Variants in BTAF1 observed in about 807,000 individuals in gnomAD.
BTAF1 encodes B-TFIID TATA-box binding protein associated factor 1, also known as TATA-binding protein-associated factor 172.
Under a neutral mutation model 227.1 loss-of-function variants are expected in BTAF1, and 38 were observed. That is an observed-to-expected ratio of 0.17 (90% CI 0.13 to 0.22). The LOEUF (loss-of-function observed/expected upper bound fraction) is 0.22. Among genes scored for constraint, BTAF1 ranks in the 10% least tolerant of loss-of-function variants. The pLI, the probability that BTAF1 is intolerant of heterozygous loss-of-function variation, is 1.00. For missense variants in BTAF1, 1,598 were observed against 2,204.0 expected (o/e 0.73, Z 5.51); for synonymous variants, 742 against 751.9 (o/e 0.99, Z 0.21).
chr10:92,010,923 A>G, intron 28 of BTAF1, 150 bp from the exon 29 acceptor site: 1 of 643,988 alleles, frequency 1.6e-6, no homozygotes, highest in Non-Finnish European at 2.7e-6. Flanking sequence ...CCAGATCATC[A>G]GAAGAGTAGC....
intron 12 of BTAF1, 83 bp from the exon 13 acceptor site, chr10:91,963,994 A>AGT: frequency 6.8e-7 from 1 of 1,466,146 alleles, no homozygotes; most frequent in Non-Finnish European, 9.4e-7. Context: ...TTGAATCAGT[A>AGT]GTGACCCCTG....
chr10:91,925,516 C>CTTTTTTTTTTTTTTTTTTTTTTTTTTTT (rs6144026), intron 1 of BTAF1, among the ~76,000 whole-genome samples: 3 of 114,580 alleles, frequency 2.6e-5, no homozygotes, highest in Non-Finnish European at 3.8e-5. Context: ...ACGCTAATCT[C>CTTTTTTTTTTTTTTTTTTTTTTTTTTTT]TTTTTTTTTT....
chr10:91,937,933 T>C (rs1368042546), intron 2 of BTAF1, among the ~76,000 whole-genome samples: 1 of 152,232 alleles, frequency 6.6e-6, no homozygotes, highest in Non-Finnish European at 1.5e-5. Context: ...TCCTTGTCAA[T>C]ACTTCTTGAC....
At chr10:92,015,194 G>T (rs2138701) in intron 32 of BTAF1, among the ~76,000 whole-genome samples, 21,209 of 152,168 alleles carry the variant, frequency 0.14, 1,600 homozygotes, top group Middle Eastern at 0.2. Flanking sequence ...GGAATTTATT[G>T]TGAGCCTTTC....
At chr10:91,933,975 G>A (rs997549284) in intron 1 of BTAF1, among the ~76,000 whole-genome samples, 6 of 152,106 alleles carry the variant, frequency 3.9e-5, no homozygotes, top group African/African-American at 1.4e-4. Flanking sequence ...CCCTTTCTTG[G>A]TCCTACTATC....
intron 11 of BTAF1, 144 bp downstream of exon 11, chr10:91,960,298 A>T: frequency 1.2e-6 from 1 of 801,952 alleles, no homozygotes; most frequent in Non-Finnish European, 1.9e-6. Flanking sequence ...AGAGAGTGTC[A>T]TAGAGATAGG....
chr10:92,011,400 T>A lies in BTAF1; in HGVS notation c.4296T>A (p.Ser1432=). The A allele has an allele frequency of 7.2e-7, 1 of 1,388,558 alleles. No homozygotes were observed. Among genetic ancestry groups the A allele is most frequent in the Non-Finnish European group, 9.4e-7 (1 of 1,058,546 alleles). 86.0% of individuals were successfully genotyped at this position (1,388,558 alleles called of 1,614,324 possible). The change falls in exon 30 of 38, where the codon TCT becomes TCA. Residue 1432 remains serine (S), a synonymous_variant. Transcript: ENST00000265990. ...QLTANYRIIL[S]GTPIQNNVLE... ...CTGCTAATTATAGGATTATTCTTTC[T>A]GGAACACCAATCCAGGTAATTATTT...
rs1215616900 is a variant in BTAF1, at chr10:92,030,530, T to C, written c.*1597T>C. 6.6e-6 allele frequency among the ~76,000 whole-genome samples: 1 copy of C among 152,184 alleles called. No individual in the cohort carries two copies. The highest frequency in any genetic ancestry group is 1.5e-5 in the Non-Finnish European group (1 of 67,998). On this transcript the variant is annotated 3_prime_UTR_variant, in exon 38 of 38. Coordinates refer to ENST00000265990, the MANE Select transcript of BTAF1 (RefSeq NM_003972.3). ...GCTCTTTAACATAGCTTATAGTAAT[T>C]GATATTTTCTTAGAATAAGTACAGA... is the stretch of plus-strand genomic sequence containing the variant.
In BTAF1 at chr10:92,027,087, G is replaced by A. The variant is rs768298902; in HGVS notation, c.5236-43G>A. The A allele has an allele frequency of 1.1e-5, 18 of 1,570,926 alleles. No individual in the cohort carries two copies. In the South Asian group the frequency reaches 1.2e-4, roughly 11 times the overall value. ...CCCTCTGACTCGTTGGAACCTCAAA[G>A]CATAATATGTGTTACGGTTGCTTAA... On this transcript the variant is annotated intron_variant, in intron 36 of 37. Coordinates refer to ENST00000265990, the MANE Select transcript of BTAF1 (RefSeq NM_003972.3).
chr10:91,950,149 G>A (rs12251361), intron 4 of BTAF1, among the ~76,000 whole-genome samples: 1 of 39,596 alleles, frequency 2.5e-5, no homozygotes, highest in African/African-American at 6.4e-5. Context: ...TGTCCTTTGT[G>A]GGGGGGGGCG....
intron 8 of BTAF1, among the ~76,000 whole-genome samples, chr10:91,958,734 C>T (rs897035848): frequency 6.6e-6 from 1 of 152,010 alleles, no homozygotes; most frequent in African/African-American, 2.4e-5. Context: ...AAACACTATA[C>T]GATACTTTCT....
At chr10:92,010,092 G>GA (rs548368734) in intron 28 of BTAF1, among the ~76,000 whole-genome samples, 138 of 150,382 alleles carry the variant, frequency 9.2e-4, no homozygotes, top group Non-Finnish European at 1.6e-3. Context: ...GAGCAGGACT[G>GA]AAAAAAAAAC....
chr10:91,986,541 A>C (rs1303176037), intron 19 of BTAF1, among the ~76,000 whole-genome samples: 1 of 37,404 alleles, frequency 2.7e-5, no homozygotes, highest in African/African-American at 6.3e-5. Flanking sequence ...GAGAAAGCTA[A>C]AATTGCTGTT....
intron 6 of BTAF1, among the ~76,000 whole-genome samples, chr10:91,955,224 T>C (rs1313534104): frequency 1.3e-5 from 2 of 152,212 alleles, no homozygotes; most frequent in Non-Finnish European, 2.9e-5. Context: ...CAAGCACTTT[T>C]AGCCAAAGAT....
chr10:92,001,735 C>CAAAAATATGT (rs1298355204), intron 25 of BTAF1, among the ~76,000 whole-genome samples: 1 of 151,856 alleles, frequency 6.6e-6, no homozygotes, highest in African/African-American at 2.4e-5. Flanking sequence ...TTACCACGCC[C>CAAAAATATGT]AAAAATATGT....
intron 25 of BTAF1, 144 bp downstream of exon 25, chr10:91,997,895 G>A (rs930605150): frequency 2.6e-6 from 2 of 757,236 alleles, no homozygotes; most frequent in African/African-American, 1.8e-5. Context: ...GATCATCTGA[G>A]GTCAGGAGTT....
chr10:92,028,646 G>T, intron 37 of BTAF1, 144 bp from the exon 38 acceptor site: 1 of 737,094 alleles, frequency 1.4e-6, no homozygotes, highest in Non-Finnish European at 2.1e-6. Context: ...AAATGTATTT[G>T]GAGATCATGA....
In BTAF1 at chr10:91,969,962, G is replaced by GAA. The variant is rs11301741; in HGVS notation, c.1650+3218_1650+3219dup. Reference sequence around the variant, plus strand: ...GATAACAGAGCAAGACCCTGTCTCAGAAAAAAAAAAAAAATTCGCCTTCCA... The same window carrying GAA: ...GATAACAGAGCAAGACCCTGTCTCAGAAAAAAAAAAAAAAAATTCGCCTTCCA... On this transcript the variant is annotated intron_variant, in intron 14 of 37. Transcript: ENST00000265990. 4.3e-3 allele frequency among the ~76,000 whole-genome samples: 618 copies of GAA among 143,810 alleles called. 6 individuals carry two copies. The highest frequency in any genetic ancestry group is 0.015 in the African/African-American group (572 of 38,592). The allele number at this position is 143,810 out of a possible 152,430, so 94.3% of individuals were successfully genotyped here.
At chr10:92,003,637 T>C (rs181565629) in intron 25 of BTAF1, among the ~76,000 whole-genome samples, 16 of 152,342 alleles carry the variant, frequency 1.1e-4, no homozygotes, top group Admixed American at 3.3e-4. Flanking sequence ...AGTTTCTTTA[T>C]CCATTCATCA....
Sources: allele counts gnomAD v4.1 joint callset (sites outside exome capture counted in the v4.1 genomes callset), GRCh38; gene constraint gnomAD v4.1.1; transcripts MANE v1.5; gene names NCBI Gene and HGNC (gene_info 2026-07-23, HGNC 2026-07-21).